Variants in C4orf36 observed in about 807,000 individuals in gnomAD.
The protein encoded by C4orf36 is uncharacterized protein C4orf36.
C4orf36 carries 11 observed loss-of-function variants against 12.2 expected under a neutral mutation model. The ratio of observed to expected loss-of-function variants is 0.90; its 90% CI spans 0.57 to 1.49. C4orf36 has a LOEUF of 1.49. Ranked by LOEUF, C4orf36 falls within the 40% of genes most tolerant of loss-of-function variation. The pLI, the probability that C4orf36 is intolerant of heterozygous loss-of-function variation, is 0.00. For synonymous variants in C4orf36, 54 were observed against 51.3 expected (o/e 1.05, Z -0.22); for missense variants, 137 against 133.9 (o/e 1.02, Z -0.11).
chr4:86,897,053 G>GA (rs1235661888), upstream of C4orf36, among the ~76,000 whole-genome samples: 1 of 152,076 alleles, frequency 6.6e-6, no homozygotes, highest in Non-Finnish European at 1.5e-5. Flanking sequence ...AGTTAAGGGG[G>GA]AAAAATGTTT....
At chr4:86,922,922 G>A in the C4orf36 span, among the ~76,000 whole-genome samples, 1 of 150,074 alleles carries the variant, frequency 6.7e-6, no homozygotes, top group African/African-American at 2.5e-5. Context: ...TAGTCATGCT[G>A]TTTACATTTG....
chr4:86,914,766 G>A, the C4orf36 span: 1 of 444,290 alleles, frequency 2.3e-6, no homozygotes. Context: ...TATGATCCCT[G>A]TTCCAGGCAC....
At chr4:86,931,393 T>G in the C4orf36 span, among the ~76,000 whole-genome samples, 3 of 152,164 alleles carry the variant, frequency 2.0e-5, no homozygotes, top group East Asian at 5.8e-4. Flanking sequence ...GGCTGTTTAA[T>G]TTAATTTTTT....
chr4:86,934,253 A>G, the C4orf36 span, among the ~76,000 whole-genome samples: 1 of 152,220 alleles, frequency 6.6e-6, no homozygotes, highest in African/African-American at 2.4e-5. Context: ...AGGTGCGACA[A>G]CACAATGAAG....
chr4:86,907,606 A>G, the C4orf36 span, among the ~76,000 whole-genome samples: 196 of 152,276 alleles, frequency 1.3e-3, no homozygotes, highest in Non-Finnish European at 1.7e-3. Context: ...GAGGAAACAC[A>G]ACACAAAGAC....
At position 86,876,217 on chromosome 4, in the gene C4orf36, C is replaced by T; in HGVS notation, c.*229G>A. ...AATAAAAATAATATAAAATAAAATA[C>T]ATTTATAACTGGCAATGTTTAAAAA... On this transcript the variant is annotated 3_prime_UTR_variant, in exon 5 of 5. Transcript: ENST00000295898. 4.9e-6 allele frequency: 2 copies of T among 407,314 alleles called. No individual in the cohort carries two copies. The highest frequency in any genetic ancestry group is 8.4e-6 in the Non-Finnish European group (2 of 236,974). The allele number at this position is 407,314 out of a possible 1,614,324, so 25.2% of individuals were successfully genotyped here. A position where few individuals can be genotyped will look rare whatever the true frequency, so the allele number is the denominator to read the frequency against.
intron 4 of C4orf36, among the ~76,000 whole-genome samples, chr4:86,879,944 G>C (rs1237945262): frequency 6.6e-6 from 1 of 151,548 alleles, no homozygotes; most frequent in Non-Finnish European, 1.5e-5. Context: ...TCGAACTCCT[G>C]GGCTCAAGCA....
the C4orf36 span, among the ~76,000 whole-genome samples, chr4:86,899,757 A>G: frequency 6.6e-6 from 1 of 152,206 alleles, no homozygotes; most frequent in Admixed American, 6.5e-5. Flanking sequence ...CTTGAGCCTG[A>G]GAGACAGAAG....
the C4orf36 span, chr4:86,926,398 G>A: frequency 6.6e-6 from 1 of 152,164 alleles, no homozygotes; most frequent in East Asian, 1.9e-4. Context: ...CTGGACAGGA[G>A]AACCACAACC....
At position 86,891,505 on chromosome 4, in the gene C4orf36, G is replaced by A; in HGVS notation, c.16C>T (p.Pro6Ser). 2 of 1,613,872 alleles carry A rather than the reference G, an allele frequency of 1.2e-6. No individual in the cohort carries two copies. The highest frequency in any genetic ancestry group is 1.7e-6 in the Non-Finnish European group (2 of 1,179,952). The change falls in exon 2 of 5, where the codon CCA becomes TCA. Residue 6 changes from proline to serine, a missense_variant. Pro to Ser is a moderately conservative substitution (Grantham distance 74, BLOSUM62 -1). Coordinates refer to ENST00000295898, the MANE Select transcript of C4orf36 (RefSeq NM_144645.4). ...ATGGTTTTCACTGTGTTCTTTCTTG[G>A]CACTCCATACGCCATGGTGAGTTAT... MAYGV[P>S]RKNTVKTILR...
chr4:86,916,461 C>T, the C4orf36 span, among the ~76,000 whole-genome samples: 1 of 151,340 alleles, frequency 6.6e-6, no homozygotes, highest in Non-Finnish European at 1.5e-5. Context: ...GGAGGCTAGA[C>T]ATGGACTCAA....
chr4:86,895,165 A>C (rs1026881026), upstream of C4orf36, among the ~76,000 whole-genome samples: 1 of 152,034 alleles, frequency 6.6e-6, no homozygotes, highest in Non-Finnish European at 1.5e-5. Context: ...TAGAAAAAAA[A>C]CTTAGCTGGA....
chr4:86,882,018 A>G (rs1292888303), intron 4 of C4orf36, among the ~76,000 whole-genome samples: 5 of 152,194 alleles, frequency 3.3e-5, no homozygotes. Context: ...GAGTGCCTAT[A>G]TGAGTTATGC....
At chr4:86,887,615 G>C (rs28629974) in intron 4 of C4orf36, 143 bp downstream of exon 4, 66,184 of 895,886 alleles carry the variant, frequency 0.074, 2,874 homozygotes, top group Non-Finnish European at 0.087. Context: ...TCAGAACTGG[G>C]TACTAACCCA....
intron 4 of C4orf36, among the ~76,000 whole-genome samples, chr4:86,882,230 T>C (rs1184684053): frequency 1.3e-5 from 2 of 152,132 alleles, no homozygotes; most frequent in African/African-American, 4.8e-5. Flanking sequence ...CTCAAGAAAA[T>C]CATGAGGAAC....
chr4:86,884,729 G>A (rs2040498465), intron 4 of C4orf36, among the ~76,000 whole-genome samples: 1 of 152,088 alleles, frequency 6.6e-6, no homozygotes, highest in Admixed American at 6.6e-5. Context: ...GTCAATTTTG[G>A]CTTTTGTTGC....
chr4:86,914,336 G>A, the C4orf36 span: 597 of 1,520,102 alleles, frequency 3.9e-4, 3 homozygotes, highest in African/African-American at 5.8e-3. Flanking sequence ...TGATATGTCC[G>A]TTGTGCTCCT....
At chr4:86,924,354 C>A in the C4orf36 span, among the ~76,000 whole-genome samples, 1 of 152,190 alleles carries the variant, frequency 6.6e-6, no homozygotes, top group African/African-American at 2.4e-5. Flanking sequence ...CGTGCATCGG[C>A]ACACCTGGCT....
the C4orf36 span, among the ~76,000 whole-genome samples, chr4:86,907,027 A>T: frequency 1.3e-4 from 18 of 142,486 alleles, no homozygotes; most frequent in African/African-American, 3.7e-4. Flanking sequence ...GTGACAGAGC[A>T]AGACTCCATC....
Sources: allele counts gnomAD v4.1 joint callset (sites outside exome capture counted in the v4.1 genomes callset), GRCh38; gene constraint gnomAD v4.1.1; transcripts MANE v1.5; gene names NCBI Gene and HGNC (gene_info 2026-07-23, HGNC 2026-07-21).